Variants in NHSL1 observed in about 807,000 individuals in gnomAD.
The protein encoded by NHSL1 is NHS like 1.
In NHSL1, 48 loss-of-function variants were observed where a neutral mutation model predicts 95.0. That is an observed-to-expected ratio of 0.51 (90% CI 0.40 to 0.64). The LOEUF is 0.64. Ranked by LOEUF, NHSL1 falls within the 30% of genes least tolerant of loss-of-function variation. The probability of loss-of-function intolerance (pLI) is 0.00; values close to 1 mark genes in which losing one functional copy is unlikely to be tolerated. For missense variants in NHSL1, 1,971 were observed against 2,077.7 expected, an observed-to-expected ratio of 0.95 and a Z score of 1.00; for synonymous variants, 783 against 833.9, an observed-to-expected ratio of 0.94 and a Z score of 1.05.
intron 1 of NHSL1, among the ~76,000 whole-genome samples, chr6:138,590,066 C>T (rs1281770294): frequency 1.3e-5 from 2 of 152,200 alleles, no homozygotes; most frequent in African/African-American, 2.4e-5. Context: ...AGTGCGATCT[C>T]GGCTCACTGC....
At chr6:138,513,120 C>G (rs770479263) in intron 1 of NHSL1, among the ~76,000 whole-genome samples, 2 of 152,220 alleles carry the variant, frequency 1.3e-5, no homozygotes, top group Non-Finnish European at 2.9e-5. Context: ...ATGCCCTTCA[C>G]TTTGCACAGT....
intron 3 of NHSL1, among the ~76,000 whole-genome samples, chr6:138,462,412 G>T (rs1052594934): frequency 2.0e-5 from 3 of 152,148 alleles, no homozygotes; most frequent in African/African-American, 7.2e-5. Context: ...AAGAGAGAGA[G>T]GGCAGAAACT....
intron 7 of NHSL1, among the ~76,000 whole-genome samples, chr6:138,426,747 C>T (rs1775289206): frequency 6.6e-6 from 1 of 152,090 alleles, no homozygotes; most frequent in Admixed American, 6.5e-5. Flanking sequence ...ATGGTAAGGA[C>T]CCAATACAGG....
upstream of NHSL1, among the ~76,000 whole-genome samples, chr6:138,576,482 T>G (rs375453209): frequency 7.2e-5 from 11 of 152,300 alleles, no homozygotes; most frequent in Admixed American, 2.0e-4. Flanking sequence ...GGCTGCCCCC[T>G]CCCCTCTCAC....
intron 1 of NHSL1, among the ~76,000 whole-genome samples, chr6:138,521,304 A>C (rs1203743592): frequency 6.6e-6 from 1 of 152,200 alleles, no homozygotes; most frequent in Non-Finnish European, 1.5e-5. Context: ...CTACAAAAAT[A>C]AAAATAAAAA....
chr6:138,629,999 G>A (rs1784796505), intron 1 of NHSL1, among the ~76,000 whole-genome samples: 1 of 152,176 alleles, frequency 6.6e-6, no homozygotes, highest in South Asian at 2.1e-4. Context: ...CTGGGCTTGA[G>A]GCCAGAAGTT....
chr6:138,486,055 C>T (rs1373622058), intron 2 of NHSL1, among the ~76,000 whole-genome samples: 1 of 152,086 alleles, frequency 6.6e-6, no homozygotes, highest in Non-Finnish European at 1.5e-5. Flanking sequence ...AGACAGAGGC[C>T]GCAACCTCCG....
At chr6:138,622,856 T>C (rs912161979) in intron 1 of NHSL1, among the ~76,000 whole-genome samples, 2 of 152,218 alleles carry the variant, frequency 1.3e-5, no homozygotes, top group Admixed American at 6.5e-5. Flanking sequence ...CATTTTAGTG[T>C]GGGAGAGGCA....
At chr6:138,529,638 C>T (rs963862058) in intron 1 of NHSL1, among the ~76,000 whole-genome samples, 1 of 152,216 alleles carries the variant, frequency 6.6e-6, no homozygotes, top group Non-Finnish European at 1.5e-5. Context: ...GAATCAGCTT[C>T]CAAGCTCATT....
Position 138,433,615 on chromosome 6 carries a change from G to C in NHSL1, c.730C>G (p.Leu244Val). The change falls in exon 6 of 8, where the codon CTA becomes GTA. Residue 244 changes from leucine to valine, a missense_variant. Physicochemically the swap from Leu to Val is conservative, Grantham distance 32 (BLOSUM62 1). Around this residue, in one of 3 missense-constraint regions of NHSL1, gnomAD observed 1,602 missense variants for 1,654.5 expected, o/e 0.97. Transcript: ENST00000343505. ...SVYTPDHYST[L>V]GRFNSCRSAG... ...GACCGACAGCTATTGAACCTTCCTA[G>C]TGTAGAGTAGTGATCAGGGGTGTAC... is the stretch of plus-strand genomic sequence containing the variant. 1 of 1,552,124 alleles carries C rather than the reference G, an allele frequency of 6.4e-7. No homozygotes were observed. Among genetic ancestry groups the C allele is most frequent in the Non-Finnish European group, 8.7e-7 (1 of 1,147,078 alleles).
chr6:138,489,858 G>A (rs1205189340), intron 2 of NHSL1, among the ~76,000 whole-genome samples: 1 of 76,640 alleles, frequency 1.3e-5, no homozygotes, highest in African/African-American at 7.6e-5. Context: ...GAGAGGGAGA[G>A]AGAGAGAGAG....
intron 5 of NHSL1, among the ~76,000 whole-genome samples, chr6:138,435,560 A>C (rs1776023878): frequency 6.6e-6 from 1 of 152,226 alleles, no homozygotes; most frequent in Non-Finnish European, 1.5e-5. Flanking sequence ...ATATCTTATC[A>C]CAAGGACCAC....
intron 1 of NHSL1, among the ~76,000 whole-genome samples, chr6:138,522,409 A>C (rs1443345279): frequency 1.3e-5 from 2 of 152,242 alleles, no homozygotes; most frequent in Non-Finnish European, 2.9e-5. Flanking sequence ...TGGGAGGCCA[A>C]GGCGGATGGA....
At chr6:138,462,769 T>G (rs1014679849) in intron 3 of NHSL1, among the ~76,000 whole-genome samples, 2 of 152,220 alleles carry the variant, frequency 1.3e-5, no homozygotes, top group East Asian at 3.8e-4. Flanking sequence ...TAGCCTCATT[T>G]AACTAACCAA....
intron 1 of NHSL1, among the ~76,000 whole-genome samples, chr6:138,678,546 A>C (rs1481933015): frequency 6.6e-6 from 1 of 152,266 alleles, no homozygotes; most frequent in African/African-American, 2.4e-5. Context: ...TTCAAAATTA[A>C]AATGAATTTA....
chr6:138,663,472 A>C (rs1156704955), intron 1 of NHSL1, among the ~76,000 whole-genome samples: 3 of 151,470 alleles, frequency 2.0e-5, no homozygotes, highest in Admixed American at 6.6e-5. Context: ...AGGCAGGAGA[A>C]TCACTCGAAC....
intron 1 of NHSL1, among the ~76,000 whole-genome samples, chr6:138,585,728 A>G (rs1488053080): frequency 1.3e-5 from 2 of 152,130 alleles, no homozygotes; most frequent in Admixed American, 6.5e-5. Flanking sequence ...GAAAATGCTT[A>G]GTTAAAAGTG....
At position 138,692,075 on chromosome 6, in the gene NHSL1, C is replaced by T. The variant is rs1206116136; in HGVS notation, c.96+401G>A. The T allele has an allele frequency of 2.6e-5, 12 of 456,338 alleles. No individual in the cohort carries two copies. The highest frequency in any genetic ancestry group is 4.0e-5 in the Non-Finnish European group (9 of 226,942). The allele number at this position is 456,338 out of a possible 1,614,324, so 28.3% of individuals were successfully genotyped here. On this transcript the variant is annotated intron_variant, in intron 1 of 3. Transcript: ENST00000491526. This position sits in a 1 kb window ranked among gnomAD's most constrained non-coding sequence, Gnocchi z 4.0. ...TCTCCAAAACTGTAACTACTATATG[C>T]CCAAATTTATATTCTCCCCTGGCTT... is the stretch of plus-strand genomic sequence containing the variant.
At chr6:138,579,804 AC>A (rs1408430732) in intron 1 of NHSL1, among the ~76,000 whole-genome samples, 1 of 152,248 alleles carries the variant, frequency 6.6e-6, no homozygotes, top group African/African-American at 2.4e-5. Flanking sequence ...ACCTTACGTG[AC>A]CTTTTAAAGC....
Sources: allele counts gnomAD v4.1 joint callset (sites outside exome capture counted in the v4.1 genomes callset), GRCh38; gene constraint gnomAD v4.1.1; regional missense constraint gnomAD v4.1.1; non-coding constraint Gnocchi (gnomAD v3.1); transcripts MANE v1.5; gene names NCBI Gene and HGNC (gene_info 2026-07-23, HGNC 2026-07-21).